KCNIP4: variants seen among roughly 807,000 people sequenced by gnomAD.
KCNIP4 encodes Kv channel-interacting protein 4.
A neutral mutation model predicts 34.0 loss-of-function variants in KCNIP4; 12 were observed. The observed-to-expected ratio is 0.35, with a 90% CI of 0.23 to 0.57. The LOEUF (loss-of-function observed/expected upper bound fraction) is 0.57. Ranked by LOEUF, KCNIP4 falls within the 20% of genes least tolerant of loss-of-function variation. The pLI, the probability that KCNIP4 is intolerant of heterozygous loss-of-function variation, is 0.83. For synonymous variants in KCNIP4, 124 were observed against 102.2 expected, an observed-to-expected ratio of 1.21 and a Z score of -1.29; for missense variants, 238 against 311.7, an observed-to-expected ratio of 0.76 and a Z score of 1.78.
At chr4:20,926,732 T>C (rs1288254231) in intron 1 of KCNIP4, among the ~76,000 whole-genome samples, 1 of 152,168 alleles carries the variant, frequency 6.6e-6, no homozygotes, top group Admixed American at 6.5e-5. Context: ...AGTTTCCACA[T>C]GAGTCACTCC....
intron 1 of KCNIP4, among the ~76,000 whole-genome samples, chr4:21,911,653 C>G (rs77200524): frequency 0.26 from 34,385 of 134,516 alleles, 4,971 homozygotes; most frequent in East Asian, 0.6. Flanking sequence ...CACACACACA[C>G]ACAGAGTCTG....
intron 1 of KCNIP4, among the ~76,000 whole-genome samples, chr4:21,476,664 A>G (rs1483071316): frequency 6.6e-6 from 1 of 152,056 alleles, no homozygotes; most frequent in Non-Finnish European, 1.5e-5. Flanking sequence ...AAATATTAAG[A>G]CTCCAAATCT....
chr4:21,234,311 CAT>C (rs1282560702), intron 1 of KCNIP4, among the ~76,000 whole-genome samples: 11 of 73,460 alleles, frequency 1.5e-4, no homozygotes, highest in Admixed American at 8.5e-4. Context: ...ACATATATAA[CAT>C]ATATATAACA....
At chr4:21,335,707 C>T (rs1716113469) in intron 1 of KCNIP4, among the ~76,000 whole-genome samples, 1 of 152,172 alleles carries the variant, frequency 6.6e-6, no homozygotes, top group African/African-American at 2.4e-5. Flanking sequence ...ACTGGATTTA[C>T]ATTTCTTTAT....
intron 1 of KCNIP4, among the ~76,000 whole-genome samples, chr4:21,375,598 G>A (rs146017807): frequency 4.7e-5 from 7 of 147,554 alleles, no homozygotes; most frequent in East Asian, 2.0e-4. Context: ...ACAGAGTCTC[G>A]CTCTGTCACC....
chr4:21,398,358 C>T (rs80332885), intron 1 of KCNIP4, among the ~76,000 whole-genome samples: 4 of 152,168 alleles, frequency 2.6e-5, no homozygotes, highest in African/African-American at 7.2e-5. Flanking sequence ...TTTCAAAGGG[C>T]TTTCAAAAGC....
At chr4:20,865,474 A>C (rs893850460) in intron 2 of KCNIP4, among the ~76,000 whole-genome samples, 1 of 152,116 alleles carries the variant, frequency 6.6e-6, no homozygotes, top group Non-Finnish European at 1.5e-5. Flanking sequence ...ACTTATGTCC[A>C]TCAATAAACA....
chr4:21,554,454 TG>T (rs1160836886), intron 1 of KCNIP4, among the ~76,000 whole-genome samples: 1 of 152,112 alleles, frequency 6.6e-6, no homozygotes, highest in Non-Finnish European at 1.5e-5. Flanking sequence ...ACTCCAGACG[TG>T]GAGCTAAAGA....
chr4:21,515,136 G>C, intron 1 of KCNIP4, among the ~76,000 whole-genome samples: 1 of 151,946 alleles, frequency 6.6e-6, no homozygotes, highest in East Asian at 1.9e-4. Context: ...CTTTAGGTTG[G>C]TGCTTAACCA....
intron 1 of KCNIP4, among the ~76,000 whole-genome samples, chr4:21,135,701 T>A (rs1751446313): frequency 6.6e-6 from 1 of 152,198 alleles, no homozygotes; most frequent in Non-Finnish European, 1.5e-5. Context: ...TCAGAATATT[T>A]GCATACAAAG....
intron 1 of KCNIP4, among the ~76,000 whole-genome samples, chr4:20,974,402 A>G (rs993296829): frequency 7.2e-5 from 11 of 152,040 alleles, no homozygotes; most frequent in African/African-American, 2.4e-4. Flanking sequence ...AAAGGGTGGT[A>G]TAAAAGAGAG....
intron 1 of KCNIP4, among the ~76,000 whole-genome samples, chr4:21,017,118 G>A (rs1260104157): frequency 6.6e-6 from 1 of 152,040 alleles, no homozygotes; most frequent in Non-Finnish European, 1.5e-5. Context: ...CTCTACCCAT[G>A]GACTAGCTGT....
intron 1 of KCNIP4, among the ~76,000 whole-genome samples, chr4:21,025,355 C>G (rs1740426818): frequency 6.6e-6 from 1 of 151,782 alleles, no homozygotes; most frequent in African/African-American, 2.4e-5. Flanking sequence ...GGCCAATTGT[C>G]AAAGCAGTTG....
intron 1 of KCNIP4, among the ~76,000 whole-genome samples, chr4:21,227,670 A>AAAAACAAAACAAAACAAAAC (rs57503395): frequency 2.0e-5 from 3 of 151,630 alleles, no homozygotes; most frequent in East Asian, 3.9e-4. Context: ...TCCGCAGTTA[A>AAAAACAAAACAAAACAAAAC]AAAACAAAAC....
chr4:21,155,692 T>C lies in KCNIP4; in HGVS notation c.62-272983A>G, dbSNP rs368871504. On this transcript the variant is annotated intron_variant, in intron 1 of 8. Coordinates refer to ENST00000382152, the MANE Select transcript of KCNIP4 (RefSeq NM_025221.6). Reference sequence around the variant, plus strand: ...CTCTATGCTGGTGATCCTGGAGGGCTGAATCTCAAAAGTTTGAAATGACAA... The same window carrying C: ...CTCTATGCTGGTGATCCTGGAGGGCCGAATCTCAAAAGTTTGAAATGACAA... Among the ~76,000 whole-genome samples the C allele has an allele frequency of 2.0e-5, 3 of 152,124 alleles. No individual in the cohort carries two copies. In the East Asian group the frequency reaches 5.8e-4, roughly 29 times the overall value.
chr4:20,844,450 A>C (rs1429368707), intron 3 of KCNIP4, among the ~76,000 whole-genome samples: 4 of 152,208 alleles, frequency 2.6e-5, no homozygotes, highest in African/African-American at 9.6e-5. Context: ...TTCATGGTTC[A>C]AAGAGAAGAT....
intron 1 of KCNIP4, among the ~76,000 whole-genome samples, chr4:21,222,901 C>T (rs554537769): frequency 2.3e-4 from 35 of 151,948 alleles, no homozygotes; most frequent in African/African-American, 6.8e-4. Flanking sequence ...AGAAGGTAGA[C>T]GACTAAAGTT....
At chr4:21,470,051 TCTG>T (rs1329969500) in intron 1 of KCNIP4, among the ~76,000 whole-genome samples, 2 of 152,236 alleles carry the variant, frequency 1.3e-5, no homozygotes, top group African/African-American at 4.8e-5. Context: ...ATTGGGACTG[TCTG>T]CTAAGAAATA....
intron 2 of KCNIP4, among the ~76,000 whole-genome samples, chr4:20,882,017 G>A (rs1188521868): frequency 6.6e-6 from 1 of 152,142 alleles, no homozygotes; most frequent in Non-Finnish European, 1.5e-5. Flanking sequence ...ATATGCATAT[G>A]TACATGTGTG....
Sources: allele counts gnomAD v4.1 joint callset (sites outside exome capture counted in the v4.1 genomes callset), GRCh38; gene constraint gnomAD v4.1.1; transcripts MANE v1.5; gene names NCBI Gene and HGNC (gene_info 2026-07-23, HGNC 2026-07-21).